CRACD: variants seen among roughly 807,000 people sequenced by gnomAD.
The protein encoded by CRACD is capping protein inhibiting regulator of actin dynamics.
A neutral mutation model predicts 106.8 loss-of-function variants in CRACD; 56 were observed. The ratio of observed to expected loss-of-function variants is 0.52; its 90% CI spans 0.42 to 0.66. The LOEUF (loss-of-function observed/expected upper bound fraction) is 0.66, where lower values mean the gene tolerates loss of function less well. Among genes scored for constraint, CRACD ranks in the 30% least tolerant of loss-of-function variants. The pLI is 0.00. For missense variants in CRACD, 1,730 were observed against 1,623.2 expected, an observed-to-expected ratio of 1.07 and a Z score of -1.13; for synonymous variants, 754 against 670.8, an observed-to-expected ratio of 1.12 and a Z score of -1.92.
intron 4 of CRACD, among the ~76,000 whole-genome samples, chr4:56,301,908 A>G (rs894435609): frequency 1.3e-5 from 2 of 152,178 alleles, no homozygotes; most frequent in Non-Finnish European, 2.9e-5. Context: ...GAGTGAAAAC[A>G]AATTTTAATA....
chr4:56,100,601 G>C (rs1733746208), intron 1 of CRACD, among the ~76,000 whole-genome samples: 1 of 152,140 alleles, frequency 6.6e-6, no homozygotes, highest in Non-Finnish European at 1.5e-5. Context: ...TTGGAGATAA[G>C]GTCTTTACAG....
intron 1 of CRACD, among the ~76,000 whole-genome samples, chr4:56,151,392 A>G (rs1735573749): frequency 6.6e-6 from 1 of 151,612 alleles, no homozygotes; most frequent in Admixed American, 6.6e-5. Context: ...ATTATAACGC[A>G]TTGCCTTTTT....
intron 2 of CRACD, among the ~76,000 whole-genome samples, chr4:56,225,485 C>T (rs1254141776): frequency 1.3e-5 from 2 of 152,132 alleles, no homozygotes; most frequent in African/African-American, 4.8e-5. Flanking sequence ...CTCTTTCCTC[C>T]ATCTCTTCTG....
chr4:56,230,502 T>C (rs530128042), intron 2 of CRACD, among the ~76,000 whole-genome samples: 1 of 152,292 alleles, frequency 6.6e-6, no homozygotes, highest in South Asian at 2.1e-4. Context: ...TTAGAAAAGA[T>C]GAAATTGAGT....
chr4:56,327,927 C>A lies in CRACD; in HGVS notation c.*123C>A. 2 of 853,782 alleles carry A rather than the reference C, an allele frequency of 2.3e-6. No homozygotes were observed. The highest frequency in any genetic ancestry group is 3.5e-6 in the Non-Finnish European group (2 of 564,292). The allele number at this position is 853,782 out of a possible 1,614,324, so 52.9% of individuals were successfully genotyped here. On this transcript the variant is annotated 3_prime_UTR_variant, in exon 11 of 11. Transcript: ENST00000682029. ...GAAAAGAAGCATGTTTTATAGGCTCCAAAATAATGTTTAGAAACTGAACTG... is the reference window on the plus strand; with the variant it reads ...GAAAAGAAGCATGTTTTATAGGCTCAAAAATAATGTTTAGAAACTGAACTG...
intron 2 of CRACD, among the ~76,000 whole-genome samples, chr4:56,250,796 C>CT (rs1448924855): frequency 1.3e-5 from 2 of 152,190 alleles, no homozygotes; most frequent in Non-Finnish European, 2.9e-5. Context: ...AACTTTAAGC[C>CT]TGGCACATGG....
chr4:56,113,626 T>G lies in CRACD; in HGVS notation c.-336+64327T>G, dbSNP rs554471517. On this transcript the variant is annotated intron_variant, in intron 1 of 10. Transcript: ENST00000682029. ...AGTTTTTGTTCCCTGTGACACTCTA[T>G]GTCATCTTGGTGGCCTGATAGCACT... Among the ~76,000 whole-genome samples the G allele has an allele frequency of 5.3e-5, 8 of 152,296 alleles. No individual in the cohort carries two copies. The South Asian group carries it at 1.7e-3, about 32-fold the overall frequency.
intron 2 of CRACD, among the ~76,000 whole-genome samples, chr4:56,252,744 C>A (rs1741126416): frequency 2.0e-5 from 3 of 152,296 alleles, no homozygotes; most frequent in African/African-American, 7.2e-5. Flanking sequence ...AGCAAACAGA[C>A]AAACACAGGT....
In CRACD at chr4:56,316,449, C is replaced by G. The variant is rs1056980580; in HGVS notation, c.2947C>G (p.Pro983Ala). ...ATCCCCACTTTCCAAACTGAGCAGG[C>G]CCTACTTGGTAGAGCTGCTGTCTCG... The part of the protein sequence containing the change: ...PASPLSKLSR[P>A]YLVELLSRRA... The change falls in exon 8 of 11, where the codon CCC (proline) becomes GCC (alanine). Residue 983 changes from proline to alanine, a missense_variant. Physicochemically the swap from Pro to Ala is conservative, Grantham distance 27. Around this residue, in one of 5 missense-constraint regions of CRACD, gnomAD observed 1,620 missense variants for 1,481.6 expected, o/e 1.09. Transcript: ENST00000682029. The G allele has an allele frequency of 6.2e-7, 1 of 1,613,994 alleles. No individual in the cohort carries two copies. The highest frequency in any genetic ancestry group is 1.3e-5 in the African/African-American group (1 of 74,934).
chr4:56,119,839 G>A (rs1734425889), intron 1 of CRACD, among the ~76,000 whole-genome samples: 1 of 152,088 alleles, frequency 6.6e-6, no homozygotes, highest in Non-Finnish European at 1.5e-5. Context: ...AAATATCTGA[G>A]AGTCTCATCC....
At position 56,313,178 on chromosome 4, in the gene CRACD, A is replaced by G. The variant is rs941487878; in HGVS notation, c.355-19A>G. The G allele has an allele frequency of 6.2e-7, 1 of 1,602,920 alleles. No individual in the cohort carries two copies. Among genetic ancestry groups the G allele is most frequent in the Non-Finnish European group, 8.5e-7 (1 of 1,171,766 alleles). ...GTCTTCTGATCCCAACTGACTTTCT[A>G]TTTTAATCTCCCCTACAGGTTGCTC... On this transcript the variant is annotated intron_variant, in intron 6 of 10. Transcript: ENST00000682029.
chr4:56,200,317 A>C (rs1228986347), intron 2 of CRACD, among the ~76,000 whole-genome samples: 1 of 152,192 alleles, frequency 6.6e-6, no homozygotes, highest in African/African-American at 2.4e-5. Flanking sequence ...AATCTTCACT[A>C]ATCATCAGTT....
chr4:56,141,071 C>T (rs565970873), intron 1 of CRACD, among the ~76,000 whole-genome samples: 1 of 152,306 alleles, frequency 6.6e-6, no homozygotes, highest in South Asian at 2.1e-4. Flanking sequence ...GATTGGAATA[C>T]CTGGAGAAGC....
At chr4:56,274,950 A>G (rs546925405) in intron 3 of CRACD, among the ~76,000 whole-genome samples, 11 of 151,262 alleles carry the variant, frequency 7.3e-5, no homozygotes, top group Non-Finnish European at 1.5e-4. Context: ...CTTTGCAGCC[A>G]CAAAAAAGAA....
intron 1 of CRACD, among the ~76,000 whole-genome samples, chr4:56,052,717 C>T (rs1731916641): frequency 6.6e-6 from 1 of 152,202 alleles, no homozygotes; most frequent in Admixed American, 6.5e-5. Flanking sequence ...TTTTTATTAA[C>T]TTGCCCAAGG....
At chr4:56,071,396 T>A (rs1732641240) in intron 1 of CRACD, among the ~76,000 whole-genome samples, 1 of 152,204 alleles carries the variant, frequency 6.6e-6, no homozygotes, top group South Asian at 2.1e-4. Flanking sequence ...TGGAGCTATC[T>A]GTCTAAAATT....
At chr4:56,294,492 A>C (rs954961114) in intron 3 of CRACD, among the ~76,000 whole-genome samples, 1 of 152,358 alleles carries the variant, frequency 6.6e-6, no homozygotes, top group Non-Finnish European at 1.5e-5. Flanking sequence ...ATATAAATAC[A>C]TGAGGAGTCA....
At position 56,184,015 on chromosome 4, in the gene CRACD, A is replaced by G. The variant is rs76068852; in HGVS notation, c.-189+4585A>G. Among the ~76,000 whole-genome samples, 1,182 of 152,246 alleles carry G rather than the reference A, an allele frequency of 7.8e-3. 12 individuals are homozygous for G. The highest frequency in any genetic ancestry group is 0.026 in the African/African-American group (1,079 of 41,534). On this transcript the variant is annotated intron_variant, in intron 2 of 10. Coordinates refer to ENST00000682029, the MANE Select transcript of CRACD (RefSeq NM_001393381.1). ...TTTGGATCTTCATCTTAGTATAAAG[A>G]AGGGGAAAAAAAGCTGCCTCTCATC...
intron 1 of CRACD, among the ~76,000 whole-genome samples, chr4:56,143,390 G>A (rs1273402032): frequency 3.3e-5 from 5 of 151,842 alleles, no homozygotes; most frequent in Non-Finnish European, 5.9e-5. Flanking sequence ...CTGCATCTCA[G>A]CTAAAATATA....
Sources: allele counts gnomAD v4.1 joint callset (sites outside exome capture counted in the v4.1 genomes callset), GRCh38; gene constraint gnomAD v4.1.1; regional missense constraint gnomAD v4.1.1; transcripts MANE v1.5; gene names NCBI Gene and HGNC (gene_info 2026-07-23, HGNC 2026-07-21).